The following BARX2 variants were observed in gnomAD, a reference collection of about 807,000 sequenced individuals.
The protein encoded by BARX2 is BARX homeobox 2.
BARX2 carries 11 observed loss-of-function variants against 25.5 expected under a neutral mutation model. The observed-to-expected ratio is 0.43, with a 90% CI of 0.27 to 0.71. The LOEUF (loss-of-function observed/expected upper bound fraction) is 0.71, where lower values mean the gene tolerates loss of function less well. Ranked by LOEUF, BARX2 falls within the 30% of genes least tolerant of loss-of-function variation. The pLI is 0.19. For missense variants in BARX2, 360 were observed against 359.9 expected, an observed-to-expected ratio of 1.00 and a Z score of 0.00; for synonymous variants, 137 against 149.5, an observed-to-expected ratio of 0.92 and a Z score of 0.61.
Position 129,436,795 on chromosome 11 carries a change from C to T in BARX2, c.232C>T (p.Arg78Cys), listed in dbSNP as rs571141152. 3.2e-5 allele frequency: 51 copies of T among 1,611,290 alleles called. No homozygotes were observed. In the East Asian group the frequency reaches 4.9e-4, roughly 16 times the overall value. The change falls in exon 2 of 4, where the codon CGC becomes TGC. Residue 78 changes from arginine to cysteine, a missense_variant. Around this residue, in one of 3 missense-constraint regions of BARX2, gnomAD observed 240 missense variants for 228.7 expected, o/e 1.05. Transcript: ENST00000281437. This position sits in a 1 kb window ranked among gnomAD's most constrained non-coding sequence, Gnocchi z 4.5. ...ATATCCGCTCCTCTCGGTGATCACC[C>T]GCCAGCCCACTGTCATCTCCCACCT... ...RAYPLLSVIT[R>C]QPTVISHLVP...
chr11:129,389,574 A>G (rs1167829200), intron 1 of BARX2, among the ~76,000 whole-genome samples: 3 of 152,062 alleles, frequency 2.0e-5, no homozygotes, highest in Non-Finnish European at 2.9e-5. Context: ...TTTTTTAACA[A>G]GAGTTTCCTA....
intron 1 of BARX2, among the ~76,000 whole-genome samples, chr11:129,379,587 G>C (rs576429037): frequency 1.3e-5 from 2 of 152,144 alleles, no homozygotes; most frequent in Non-Finnish European, 2.9e-5. Context: ...TCTTGGGGTA[G>C]AATAGTTTGT....
intron 1 of BARX2, among the ~76,000 whole-genome samples, chr11:129,407,839 C>A (rs1861847077): frequency 1.3e-5 from 2 of 151,870 alleles, no homozygotes; most frequent in Admixed American, 1.3e-4. Flanking sequence ...TCTTACCCCT[C>A]ACTTGCAGTG....
rs537565521 is a variant in BARX2, at chr11:129,392,758, G to A, written c.187+16536G>A. Among the ~76,000 whole-genome samples the A allele has an allele frequency of 4.6e-5, 7 of 152,060 alleles. No homozygotes were observed. The South Asian group carries it at 6.2e-4, about 14-fold the overall frequency. On this transcript the variant is annotated intron_variant, in intron 1 of 3. Coordinates refer to ENST00000281437, the MANE Select transcript of BARX2 (RefSeq NM_003658.5). ...TCCTGAGTAGCTGGGATACAGATGC[G>A]TGCCACCGTGCCCAGCTAATTTTTT... is the stretch of plus-strand genomic sequence containing the variant.
chr11:129,413,891 G>A (rs1365793371), intron 1 of BARX2, among the ~76,000 whole-genome samples: 3 of 152,004 alleles, frequency 2.0e-5, no homozygotes, highest in Admixed American at 6.5e-5. Flanking sequence ...GTGAAAACCC[G>A]TCTCTACTAA....
Position 129,436,663 on chromosome 11 carries a change from C to A in BARX2, c.188-88C>A, listed in dbSNP as rs1259609611. On this transcript the variant is annotated intron_variant, in intron 1 of 3. Transcript: ENST00000281437. The surrounding 1 kb of genome is among the most constrained non-coding windows in gnomAD (Gnocchi z 4.5). ...TAAGAGCAGGGCCCTCCCTGTCAGA[C>A]AGACCTCAGCCAGCGGCCCTCCGCA... 1.1e-5 allele frequency: 16 copies of A among 1,417,796 alleles called. No homozygotes were observed. Among genetic ancestry groups the A allele is most frequent in the Non-Finnish European group, 1.4e-5 (15 of 1,050,924 alleles). 87.8% of individuals were successfully genotyped at this position (1,417,796 alleles called of 1,614,324 possible). A position where few individuals can be genotyped will look rare whatever the true frequency, so the allele number is the denominator to read the frequency against.
At chr11:129,435,647 G>A (rs188077623) in intron 1 of BARX2, among the ~76,000 whole-genome samples, 4 of 152,312 alleles carry the variant, frequency 2.6e-5, no homozygotes, top group Admixed American at 1.3e-4. Context: ...AGGTCCTTTC[G>A]TGGCATCAGT....
intron 1 of BARX2, among the ~76,000 whole-genome samples, chr11:129,385,505 T>C (rs1278046394): frequency 6.6e-6 from 1 of 152,192 alleles, no homozygotes; most frequent in Non-Finnish European, 1.5e-5. Context: ...TATGGATACA[T>C]TTTAGGAATA....
intron 1 of BARX2, among the ~76,000 whole-genome samples, chr11:129,427,351 G>T (rs58440818): frequency 4.8e-4 from 73 of 152,248 alleles, no homozygotes; most frequent in African/African-American, 1.7e-3. Flanking sequence ...TGGTAGGAAC[G>T]GGAGCTTAGG....
intron 1 of BARX2, among the ~76,000 whole-genome samples, chr11:129,402,857 C>T (rs1311762703): frequency 6.6e-6 from 1 of 152,156 alleles, no homozygotes; most frequent in Non-Finnish European, 1.5e-5. Flanking sequence ...CAACAAAAAC[C>T]CTGGGAGTCC....
At chr11:129,445,451 A>G (rs950376721) in intron 3 of BARX2, among the ~76,000 whole-genome samples, 3 of 152,194 alleles carry the variant, frequency 2.0e-5, no homozygotes, top group Non-Finnish European at 4.4e-5. Flanking sequence ...CTTGTTTTTC[A>G]CCAGCAACAG....
Position 129,436,740 on chromosome 11 carries a change from T to G in BARX2, c.188-11T>G. 2 of 1,549,520 alleles carry G rather than the reference T, an allele frequency of 1.3e-6. No homozygotes were observed. The highest frequency in any genetic ancestry group is 1.7e-6 in the Non-Finnish European group (2 of 1,142,926). ...TCCCTGTGGTGACCTGCCTCCCTGC[T>G]TGTTTTCCAGGCTCCCCTTCCCTGC... On this transcript the variant is annotated splice_polypyrimidine_tract_variant and intron_variant, in intron 1 of 3. Coordinates refer to ENST00000281437, the MANE Select transcript of BARX2 (RefSeq NM_003658.5). The surrounding 1 kb of genome is among the most constrained non-coding windows in gnomAD (Gnocchi z 4.5).
At chr11:129,391,273 C>A (rs536492161) in intron 1 of BARX2, among the ~76,000 whole-genome samples, 27 of 152,254 alleles carry the variant, frequency 1.8e-4, no homozygotes, top group South Asian at 6.2e-4. Flanking sequence ...CGGAACATTT[C>A]GTGACCTGTG....
chr11:129,405,997 T>A (rs148373419), intron 1 of BARX2, among the ~76,000 whole-genome samples: 1 of 152,228 alleles, frequency 6.6e-6, no homozygotes, highest in Non-Finnish European at 1.5e-5. Context: ...CCTATGTATG[T>A]TACTTATCTA....
At chr11:129,423,038 T>C (rs1862023163) in intron 1 of BARX2, among the ~76,000 whole-genome samples, 2 of 152,028 alleles carry the variant, frequency 1.3e-5, no homozygotes, top group African/African-American at 4.8e-5. Flanking sequence ...TTGTTTTTAA[T>C]TCTTTGCAAC....
intron 1 of BARX2, among the ~76,000 whole-genome samples, chr11:129,423,766 G>C (rs561968509): frequency 6.6e-6 from 1 of 152,024 alleles, no homozygotes; most frequent in Non-Finnish European, 1.5e-5. Context: ...TATAATGCCT[G>C]TCTCTTCTAT....
chr11:129,375,904 C>T lies in BARX2; in HGVS notation c.-132C>T, dbSNP rs1217794310. On this transcript the variant is annotated 5_prime_UTR_variant, in exon 1 of 4. Coordinates refer to ENST00000281437, the MANE Select transcript of BARX2 (RefSeq NM_003658.5). This position sits in a 1 kb window ranked among gnomAD's most constrained non-coding sequence, Gnocchi z 4.0. ...CCGCTACCCGCTCTCCTCCGCGCGCCACCCGAGCCCCGCCGCCTCCCCAGC... is the reference window on the plus strand; with the variant it reads ...CCGCTACCCGCTCTCCTCCGCGCGCTACCCGAGCCCCGCCGCCTCCCCAGC... The T allele has an allele frequency of 1.9e-5, 7 of 368,952 alleles. No homozygotes were observed. Among genetic ancestry groups the T allele is most frequent in the Non-Finnish European group, 2.6e-5 (7 of 266,788 alleles). The allele number at this position is 368,952 out of a possible 1,614,324, so 22.9% of individuals were successfully genotyped here.
At chr11:129,442,742 T>C (rs757080375) in intron 2 of BARX2, 93 bp from the exon 3 acceptor site, 8 of 1,122,958 alleles carry the variant, frequency 7.1e-6, no homozygotes, top group Non-Finnish European at 1.1e-5. Flanking sequence ...TGGTAGCCAG[T>C]GCTGGAGCCT....
intron 1 of BARX2, among the ~76,000 whole-genome samples, chr11:129,423,157 C>T (rs1241752263): frequency 2.7e-5 from 4 of 148,680 alleles, no homozygotes; most frequent in Non-Finnish European, 5.9e-5. Flanking sequence ...TGCTCTGTCA[C>T]CCAGGCTGGA....
Sources: gnomAD v4.1 joint callset for allele counts (sites outside exome capture counted in the v4.1 genomes callset) on GRCh38, gnomAD v4.1.1 for gene constraint, gnomAD v4.1.1 regional missense constraint, Gnocchi (gnomAD v3.1) non-coding constraint, MANE v1.5 for transcripts, NCBI Gene and HGNC (gene_info 2026-07-23, HGNC 2026-07-21) for gene names.